Variants in TBC1D5 observed in about 807,000 individuals in gnomAD.
The protein encoded by TBC1D5 is TBC1 domain family, member 5.
In TBC1D5, 75 loss-of-function variants were observed where a neutral mutation model predicts 100.3. That is an observed-to-expected ratio of 0.75 (90% CI 0.62 to 0.91). The LOEUF is 0.91. Ranked by LOEUF, TBC1D5 falls within the 40% of genes least tolerant of loss-of-function variation. TBC1D5 has a pLI of 0.00. For synonymous variants in TBC1D5, 323 were observed against 325.6 expected, an observed-to-expected ratio of 0.99 and a Z score of 0.09; for missense variants, 910 against 942.4, an observed-to-expected ratio of 0.97 and a Z score of 0.45.
At chr3:17,702,784 G>C (rs939734656) in intron 1 of TBC1D5, among the ~76,000 whole-genome samples, 2 of 152,004 alleles carry the variant, frequency 1.3e-5, no homozygotes, top group African/African-American at 4.8e-5. Context: ...TACCTCCAAG[G>C]GTAGAAAAAA....
At chr3:17,317,530 G>A (rs979055891) in intron 13 of TBC1D5, among the ~76,000 whole-genome samples, 1 of 152,030 alleles carries the variant, frequency 6.6e-6, no homozygotes, top group Non-Finnish European at 1.5e-5. Flanking sequence ...GTTAAGGAGG[G>A]GATTGGCTCC....
chr3:17,368,050 T>C, intron 13 of TBC1D5, among the ~76,000 whole-genome samples: 1 of 152,238 alleles, frequency 6.6e-6, no homozygotes, highest in Non-Finnish European at 1.5e-5. Flanking sequence ...TAACCTAAAA[T>C]ACAGGTAGTA....
At chr3:17,533,401 C>A (rs2096252451) in intron 2 of TBC1D5, among the ~76,000 whole-genome samples, 1 of 152,132 alleles carries the variant, frequency 6.6e-6, no homozygotes, top group South Asian at 2.1e-4. Context: ...AGCTCCTACA[C>A]TAGTGTATGG....
chr3:17,505,462 A>G (rs938174561), intron 3 of TBC1D5, among the ~76,000 whole-genome samples: 13 of 152,184 alleles, frequency 8.5e-5, no homozygotes, highest in African/African-American at 2.4e-4. Context: ...CAATTAAAGC[A>G]ATTTTCTTTA....
At chr3:17,727,259 T>C (rs2076203184) in intron 1 of TBC1D5, among the ~76,000 whole-genome samples, 1 of 152,136 alleles carries the variant, frequency 6.6e-6, no homozygotes. Flanking sequence ...CGCATGCCTG[T>C]AATCCCAGCT....
intron 5 of TBC1D5, among the ~76,000 whole-genome samples, chr3:17,406,194 T>C (rs2093764603): frequency 6.6e-6 from 1 of 152,076 alleles, no homozygotes; most frequent in Non-Finnish European, 1.5e-5. Flanking sequence ...GTTGAAAAGA[T>C]AGTTTTTTTA....
At chr3:17,288,479 T>G (rs1278616005) in intron 15 of TBC1D5, among the ~76,000 whole-genome samples, 1 of 152,176 alleles carries the variant, frequency 6.6e-6, no homozygotes, top group Non-Finnish European at 1.5e-5. Context: ...CTTTTCTGAT[T>G]GATCCCCACC....
At chr3:17,454,546 G>A (rs533570366) in intron 3 of TBC1D5, among the ~76,000 whole-genome samples, 75 of 151,976 alleles carry the variant, frequency 4.9e-4, no homozygotes, top group Non-Finnish European at 7.9e-4. Context: ...TGCAAGCTCC[G>A]CCTCCCGGGT....
intron 19 of TBC1D5, among the ~76,000 whole-genome samples, chr3:17,169,822 C>T (rs1480691611): frequency 6.6e-6 from 1 of 152,224 alleles, no homozygotes; most frequent in Non-Finnish European, 1.5e-5. Context: ...AGACTGGTTT[C>T]ATGGAAGACA....
chr3:17,240,193 G>A (rs551856650), intron 16 of TBC1D5, among the ~76,000 whole-genome samples: 29 of 152,212 alleles, frequency 1.9e-4, no homozygotes, highest in African/African-American at 6.3e-4. Context: ...TTTCTCTAAT[G>A]CTACTAGCTA....
At chr3:17,366,105 C>A (rs2092108774) in intron 13 of TBC1D5, among the ~76,000 whole-genome samples, 1 of 152,046 alleles carries the variant, frequency 6.6e-6, no homozygotes, top group East Asian at 1.9e-4. Context: ...ACCTGGGCAA[C>A]ATAGTGAAAC....
intron 3 of TBC1D5, among the ~76,000 whole-genome samples, chr3:17,456,148 A>C (rs995057110): frequency 6.6e-6 from 1 of 152,168 alleles, no homozygotes; most frequent in African/African-American, 2.4e-5. Flanking sequence ...AAAATCAAAT[A>C]AAAACATGAT....
chr3:17,695,244 C>T (rs549521713), intron 1 of TBC1D5, among the ~76,000 whole-genome samples: 3 of 152,252 alleles, frequency 2.0e-5, no homozygotes, highest in Non-Finnish European at 4.4e-5. Flanking sequence ...TCACACATAA[C>T]AATATTAACC....
chr3:17,277,686 C>T (rs2080166645), intron 15 of TBC1D5, among the ~76,000 whole-genome samples: 1 of 152,096 alleles, frequency 6.6e-6, no homozygotes, highest in Non-Finnish European at 1.5e-5. Flanking sequence ...GGAATGTGGT[C>T]GTTCAGAACT....
chr3:17,355,733 A>T (rs1485815645), intron 13 of TBC1D5, among the ~76,000 whole-genome samples: 4 of 151,996 alleles, frequency 2.6e-5, no homozygotes, highest in African/African-American at 7.2e-5. Context: ...TATTTCCCAT[A>T]GAGGCTGAGT....
At chr3:17,690,879 G>C (rs1230690139) in intron 1 of TBC1D5, among the ~76,000 whole-genome samples, 1 of 152,190 alleles carries the variant, frequency 6.6e-6, no homozygotes, top group East Asian at 1.9e-4. Context: ...ATTGTAGATA[G>C]ACAGGGACAC....
rs186126059 is a variant in TBC1D5, at chr3:17,519,519, A to G, written c.-35-10914T>C. Among the ~76,000 whole-genome samples the G allele has an allele frequency of 5.3e-5, 8 of 152,324 alleles. No individual in the cohort carries two copies. The East Asian group carries it at 1.5e-3, about 29-fold the overall frequency. On this transcript the variant is annotated intron_variant, in intron 2 of 21. Coordinates refer to ENST00000253692, the Ensembl canonical transcript of TBC1D5. ...ATTCAGATGCCCACTTACCTTATGCATAACTCCACCCTAATATTAACCATT... is the reference window on the plus strand; with the variant it reads ...ATTCAGATGCCCACTTACCTTATGCGTAACTCCACCCTAATATTAACCATT...
At chr3:17,246,164 AACAGTC>A (rs2076720572) in intron 16 of TBC1D5, among the ~76,000 whole-genome samples, 1 of 152,224 alleles carries the variant, frequency 6.6e-6, no homozygotes, top group Admixed American at 6.5e-5. Flanking sequence ...TGCAAAATGA[AACAGTC>A]ACATTTTAAA....
intron 1 of TBC1D5, among the ~76,000 whole-genome samples, chr3:17,682,876 CAGTT>C (rs2069692541): frequency 1.3e-5 from 2 of 151,590 alleles, no homozygotes; most frequent in South Asian, 4.1e-4. Flanking sequence ...TAGATGCAGT[CAGTT>C]ACTTATGGCA....
Sources: gnomAD v4.1 joint callset for allele counts (sites outside exome capture counted in the v4.1 genomes callset) on GRCh38, gnomAD v4.1.1 for gene constraint, MANE v1.5 for transcripts, NCBI Gene and HGNC (gene_info 2026-07-23, HGNC 2026-07-21) for gene names.